ABHD2: variants seen among roughly 807,000 people sequenced by gnomAD.
ABHD2 encodes the protein abhydrolase domain containing 2, acylglycerol lipase.
A neutral mutation model predicts 48.1 loss-of-function variants in ABHD2; 20 were observed. The observed-to-expected ratio is 0.42, with a 90% CI of 0.29 to 0.60. The LOEUF (loss-of-function observed/expected upper bound fraction) is 0.60, where lower values mean the gene tolerates loss of function less well. ABHD2 is among the 20% of genes least tolerant of loss of function. The pLI is 0.24. For missense variants in ABHD2, 405 were observed against 550.9 expected, an observed-to-expected ratio of 0.74 and a Z score of 2.65; for synonymous variants, 209 against 214.2, an observed-to-expected ratio of 0.98 and a Z score of 0.21.
At position 89,108,782 on chromosome 15, in the gene ABHD2, G is replaced by T. The variant is rs189411113; in HGVS notation, c.-106-4943G>T. Among the ~76,000 whole-genome samples the T allele has an allele frequency of 2.1e-3, 319 of 152,322 alleles. 3 individuals are homozygous for T. The highest frequency in any genetic ancestry group is 3.1e-3 in the Non-Finnish European group (208 of 68,032). On this transcript the variant is annotated intron_variant, in intron 1 of 10. Coordinates refer to ENST00000352732, the MANE Select transcript of ABHD2 (RefSeq NM_152924.5). ...TTGAAGAAAGAACAAAGGCCCTGAG[G>T]GTTGTTAGTTCTTAAGAATTTTACT...
chr15:89,198,421 G>C lies in ABHD2; in HGVS notation c.*2998G>C, dbSNP rs1243279305. 6.6e-6 allele frequency: 1 copy of C among 152,198 alleles called. No homozygotes were observed. Among genetic ancestry groups the C allele is most frequent in the Non-Finnish European group, 1.5e-5 (1 of 68,036 alleles). 9.4% of individuals were successfully genotyped at this position (152,198 alleles called of 1,614,324 possible). A position where few individuals can be genotyped will look rare whatever the true frequency, so the allele number is the denominator to read the frequency against. ...AAGTTTCTTTAATGTTTTTATGTTAGAAGTGAGTTTAACAGACTTGAAGAA... is the reference window on the plus strand; with the variant it reads ...AAGTTTCTTTAATGTTTTTATGTTACAAGTGAGTTTAACAGACTTGAAGAA... On this transcript the variant is annotated 3_prime_UTR_variant, in exon 11 of 11. Coordinates refer to ENST00000352732, the MANE Select transcript of ABHD2 (RefSeq NM_152924.5). This position sits in a 1 kb window ranked among gnomAD's most constrained non-coding sequence, Gnocchi z 5.1.
At chr15:89,051,667 A>G in the ABHD2 span, among the ~76,000 whole-genome samples, 1 of 152,192 alleles carries the variant, frequency 6.6e-6, no homozygotes, top group African/African-American at 2.4e-5. Flanking sequence ...GAAGTCTCAC[A>G]AGATCTGATG....
rs1378333668 is a variant in ABHD2 at position 89,104,533 on chromosome 15, G to A, written c.-106-9192G>A. 6.6e-6 allele frequency among the ~76,000 whole-genome samples: 1 copy of A among 152,210 alleles called. No homozygotes were observed. Among genetic ancestry groups the A allele is most frequent in the Admixed American group, 6.5e-5 (1 of 15,284 alleles). On this transcript the variant is annotated intron_variant, in intron 1 of 10. Transcript: ENST00000352732. This position sits in a 1 kb window ranked among gnomAD's most constrained non-coding sequence, Gnocchi z 4.4. ...TAGCCAAGTACTGGGGGCACTGGGA[G>A]CCTTGTCTGCTCCCAGTCGGCGTTG...
In ABHD2 at chr15:89,090,802, C is replaced by G. The variant is rs555013131; in HGVS notation, c.-107+2239C>G. Among the ~76,000 whole-genome samples, 19 of 152,232 alleles carry G rather than the reference C, an allele frequency of 1.2e-4. No individual in the cohort carries two copies. In the South Asian group the frequency reaches 3.9e-3, roughly 32 times the overall value. On this transcript the variant is annotated intron_variant, in intron 1 of 10. Coordinates refer to ENST00000352732, the MANE Select transcript of ABHD2 (RefSeq NM_152924.5). ...CTCCCAAGCGATGAGTGTGATGCAG[C>G]TTGATTCTAAATGGATGAACATTTT...
At chr15:89,054,111 C>T in the ABHD2 span, among the ~76,000 whole-genome samples, 1 of 152,124 alleles carries the variant, frequency 6.6e-6, no homozygotes, top group Non-Finnish European at 1.5e-5. Context: ...CACCTGAGGT[C>T]AGGAGTTCAA....
At position 89,173,250 on chromosome 15, in the gene ABHD2, A is replaced by G. The variant is rs2050958081; in HGVS notation, c.539-2562A>G. ...TTGAAATCCAGCATTCCCTGGAGGC[A>G]TAATATTCCTTCCATTGCTACCTTC... is the stretch of plus-strand genomic sequence containing the variant. On this transcript the variant is annotated intron_variant, in intron 5 of 10. Coordinates refer to ENST00000352732, the MANE Select transcript of ABHD2 (RefSeq NM_152924.5). This position sits in a 1 kb window ranked among gnomAD's most constrained non-coding sequence, Gnocchi z 6.5. Among the ~76,000 whole-genome samples the G allele has an allele frequency of 6.6e-6, 1 of 152,200 alleles. No individual in the cohort carries two copies. Among genetic ancestry groups the G allele is most frequent in the Non-Finnish European group, 1.5e-5 (1 of 68,046 alleles).
Position 89,201,595 on chromosome 15 carries a change from G to A in ABHD2, c.*6172G>A. ...ACTGAAACAGTCACAGTTGACCCTG[G>A]GTCAATAATTCCACTGTTGGGCCTC... On this transcript the variant is annotated 3_prime_UTR_variant, in exon 11 of 11. Transcript: ENST00000352732. 6.3e-7 allele frequency: 1 copy of A among 1,594,326 alleles called. No homozygotes were observed. The highest frequency in any genetic ancestry group is 8.6e-7 in the Non-Finnish European group (1 of 1,162,172).
At chr15:89,123,753 A>G (rs2050090300) in intron 3 of ABHD2, among the ~76,000 whole-genome samples, 2 of 151,960 alleles carry the variant, frequency 1.3e-5, no homozygotes, top group South Asian at 4.2e-4. Flanking sequence ...CCACACCACC[A>G]TGGCTGGCTA....
At chr15:89,130,551 G>A (rs1189071279) in intron 3 of ABHD2, among the ~76,000 whole-genome samples, 3 of 152,112 alleles carry the variant, frequency 2.0e-5, no homozygotes, top group African/African-American at 7.2e-5. Context: ...CTTATCACTA[G>A]AGACAGAAAC....
chr15:89,123,319 C>A (rs1448114637), intron 3 of ABHD2, among the ~76,000 whole-genome samples: 1 of 152,180 alleles, frequency 6.6e-6, no homozygotes, highest in Non-Finnish European at 1.5e-5. Flanking sequence ...CACCGGAGTA[C>A]AAGCTCCAAA....
chr15:89,062,737 G>A, the ABHD2 span, among the ~76,000 whole-genome samples: 2 of 152,034 alleles, frequency 1.3e-5, no homozygotes, highest in South Asian at 2.1e-4. Flanking sequence ...GTTGGGGAGT[G>A]GTTCTAAGAC....
chr15:89,128,044 C>T (rs1312336817), intron 3 of ABHD2, among the ~76,000 whole-genome samples: 1 of 152,176 alleles, frequency 6.6e-6, no homozygotes, highest in Non-Finnish European at 1.5e-5. Context: ...AGGACAGAGA[C>T]TGTCTTAAAA....
Position 89,116,368 on chromosome 15 carries a change from T to C in ABHD2, c.41T>C (p.Phe14Ser). 7 of 1,614,174 alleles carry C rather than the reference T, an allele frequency of 4.3e-6. No homozygotes were observed. The highest frequency in any genetic ancestry group is 5.9e-6 in the Non-Finnish European group (7 of 1,180,022). ...MLETPELPAVFDGVKLAAVAA... is the reference protein window; with the variant it reads ...MLETPELPAVSDGVKLAAVAA... ...GAGACTCCCGAACTCCCAGCCGTGTTTGATGGAGTGAAGCTGGCTGCAGTG... is the reference window on the plus strand; with the variant it reads ...GAGACTCCCGAACTCCCAGCCGTGTCTGATGGAGTGAAGCTGGCTGCAGTG... The change falls in exon 3 of 11, where the codon TTT becomes TCT. Residue 14 changes from phenylalanine to serine, a missense_variant. By Grantham distance (155) the Phe-to-Ser change is radical. Transcript: ENST00000352732. This position sits in a 1 kb window ranked among gnomAD's most constrained non-coding sequence, Gnocchi z 4.6.
In ABHD2 at chr15:89,188,141, G is replaced by C; in HGVS notation, c.816-52G>C. 1 of 1,525,754 alleles carries C rather than the reference G, an allele frequency of 6.6e-7. No individual in the cohort carries two copies. Among genetic ancestry groups the C allele is most frequent in the South Asian group, 1.1e-5 (1 of 88,758 alleles). 94.5% of individuals were successfully genotyped at this position (1,525,754 alleles called of 1,614,324 possible). A position where few individuals can be genotyped will look rare whatever the true frequency, so the allele number is the denominator to read the frequency against. On this transcript the variant is annotated intron_variant, in intron 7 of 10. Coordinates refer to ENST00000352732, the MANE Select transcript of ABHD2 (RefSeq NM_152924.5). This position sits in a 1 kb window ranked among gnomAD's most constrained non-coding sequence, Gnocchi z 4.1. ...GTGGCAAGGAAGCAGGCTATGCCAT[G>C]GTTGTTCATCCTCCACATCTTAATC... is the stretch of plus-strand genomic sequence containing the variant.
In ABHD2 at chr15:89,120,951, T is replaced by C. The variant is rs1210883740; in HGVS notation, c.194+4430T>C. On this transcript the variant is annotated intron_variant, in intron 3 of 10. Transcript: ENST00000352732. This position sits in a 1 kb window ranked among gnomAD's most constrained non-coding sequence, Gnocchi z 4.2. ...TATACTTGCCCCCACAAAATCACGG[T>C]GATAGATATTGTTTAGTAACCTGCT... 2 of 152,208 alleles carry C rather than the reference T, an allele frequency of 1.3e-5. No individual in the cohort carries two copies. The highest frequency in any genetic ancestry group is 2.9e-5 in the Non-Finnish European group (2 of 68,030). The allele number at this position is 152,208 out of a possible 1,614,324, so 9.4% of individuals were successfully genotyped here.
chr15:89,060,399 T>TA, the ABHD2 span, among the ~76,000 whole-genome samples: 114 of 150,812 alleles, frequency 7.6e-4, no homozygotes, highest in African/African-American at 2.6e-3. Flanking sequence ...CCAGCCTTTT[T>TA]AAAAAAAAAC....
chr15:89,081,632 C>T, the ABHD2 span, among the ~76,000 whole-genome samples: 2 of 152,096 alleles, frequency 1.3e-5, no homozygotes, highest in East Asian at 1.9e-4. Context: ...TCTGGGAGGC[C>T]GAGGCAGGGG....
chr15:89,159,207 T>C (rs2050724338), intron 5 of ABHD2, among the ~76,000 whole-genome samples: 1 of 151,864 alleles, frequency 6.6e-6, no homozygotes, highest in African/African-American at 2.4e-5. Flanking sequence ...TGAAACCCTG[T>C]GTCTACTACA....
chr15:89,131,443 G>A (rs78572311), intron 3 of ABHD2, among the ~76,000 whole-genome samples: 2,659 of 152,248 alleles, frequency 0.017, 77 homozygotes, highest in African/African-American at 0.061. Flanking sequence ...ATCTGGTGTG[G>A]CCTTGGGATC....
Sources: gnomAD v4.1 joint callset for allele counts (sites outside exome capture counted in the v4.1 genomes callset) on GRCh38, gnomAD v4.1.1 for gene constraint, Gnocchi (gnomAD v3.1) non-coding constraint, MANE v1.5 for transcripts, NCBI Gene and HGNC (gene_info 2026-07-23, HGNC 2026-07-21) for gene names.